Variants in SYNE1 observed in about 807,000 individuals in gnomAD.
The protein encoded by SYNE1 is spectrin repeat containing nuclear envelope protein 1.
SYNE1 carries 616 observed loss-of-function variants against 1,111.0 expected under a neutral mutation model. That is an observed-to-expected ratio of 0.55 (90% CI 0.52 to 0.59). The LOEUF is 0.59. SYNE1 is among the 20% of genes least tolerant of loss of function. SYNE1 has a pLI of 0.00. For missense variants in SYNE1, 10,006 were observed against 10,417.0 expected (o/e 0.96, Z 1.72); for synonymous variants, 3,855 against 3,825.8 (o/e 1.01, Z -0.28).
At chr6:152,262,010 T>C (rs914581413) in intron 101 of SYNE1, 22 bp downstream of exon 101, 50 of 1,585,718 alleles carry the variant, frequency 3.2e-5, no homozygotes, top group Non-Finnish European at 4.0e-5. Context: ...TTAGTTAATA[T>C]ATAATGTAAA....
chr6:152,424,617 G>A (rs2098323745), intron 39 of SYNE1, among the ~76,000 whole-genome samples: 1 of 152,030 alleles, frequency 6.6e-6, no homozygotes, highest in Admixed American at 6.6e-5. Context: ...ATGGTACCTT[G>A]TACTCAGCAG....
At chr6:152,616,137 C>A (rs527404358) in intron 3 of SYNE1, among the ~76,000 whole-genome samples, 7 of 152,212 alleles carry the variant, frequency 4.6e-5, no homozygotes, top group African/African-American at 1.4e-4. Flanking sequence ...AATGTAAAGG[C>A]AAGCTTCACT....
chr6:152,534,767 C>T (rs1233926254), intron 4 of SYNE1, among the ~76,000 whole-genome samples: 1 of 152,186 alleles, frequency 6.6e-6, no homozygotes, highest in East Asian at 1.9e-4. Context: ...TCCATGTTAT[C>T]TTTCAGCACT....
intron 127 of SYNE1, among the ~76,000 whole-genome samples, chr6:152,191,207 A>C (rs963017040): frequency 2.0e-5 from 3 of 149,858 alleles, no homozygotes; most frequent in Non-Finnish European, 4.4e-5. Context: ...ATAAATGTTC[A>C]TCAGAGATAT....
At chr6:152,318,309 A>G (rs1465129805) in intron 85 of SYNE1, 46 bp from the exon 86 acceptor site, 1 of 1,608,030 alleles carries the variant, frequency 6.2e-7, no homozygotes. Context: ...CAGAAAATAA[A>G]TTTCTCCAGG....
Position 152,442,231 on chromosome 6 carries a change from C to T in SYNE1, c.3852G>A (p.Arg1284=), listed in dbSNP as rs1345673674. 1.2e-6 allele frequency: 2 copies of T among 1,613,170 alleles called. No homozygotes were observed. The highest frequency in any genetic ancestry group is 1.7e-5 in the Admixed American group (1 of 60,014). Reference sequence around the variant, plus strand: ...GCACATCTCTCTTCTTTGCTGAGATCCGCTTTGTCTTTTGCTAGAAGCATT... The same window carrying T: ...GCACATCTCTCTTCTTTGCTGAGATTCGCTTTGTCTTTTGCTAGAAGCATT... ...LLLHHQQKTK[R]ISAKKRDVQQ... is the part of the protein sequence containing the mutation. The change falls in exon 31 of 146, where the codon CGG becomes CGA. Residue 1284 remains arginine (R), a synonymous_variant. Transcript: ENST00000367255.
intron 119 of SYNE1, 67 bp from the exon 120 acceptor site, chr6:152,219,252 C>A: frequency 1.4e-6 from 2 of 1,419,754 alleles, no homozygotes; most frequent in Non-Finnish European, 2.0e-6. Flanking sequence ...CAGCAATCGG[C>A]AAAGGGCTAC....
intron 58 of SYNE1, chr6:152,375,945 G>A (rs911472357): frequency 2.4e-5 from 4 of 166,076 alleles, no homozygotes; most frequent in African/African-American, 7.2e-5. Context: ...ACTTTTATAT[G>A]TTCTGCCCTT....
chr6:152,154,833 C>G, intron 133 of SYNE1, 59 bp downstream of exon 133: 3 of 1,599,376 alleles, frequency 1.9e-6, no homozygotes, highest in Non-Finnish European at 1.7e-6. Flanking sequence ...GGAACTCCAA[C>G]TACCAGCTGG....
chr6:152,273,064 T>C (rs1176611865), intron 98 of SYNE1, among the ~76,000 whole-genome samples: 2 of 152,228 alleles, frequency 1.3e-5, no homozygotes, highest in East Asian at 3.8e-4. Context: ...TGAAAGATGA[T>C]GGAATTTATA....
intron 40 of SYNE1, among the ~76,000 whole-genome samples, 161 bp from the exon 41 acceptor site, chr6:152,417,176 T>C (rs1022419252): frequency 6.6e-5 from 10 of 152,222 alleles, no homozygotes; most frequent in African/African-American, 1.7e-4. Context: ...CAAAATTTTC[T>C]GTTTTGCTGA....
intron 141 of SYNE1, 81 bp downstream of exon 141, chr6:152,136,537 A>G: frequency 6.4e-7 from 1 of 1,562,974 alleles, no homozygotes; most frequent in Non-Finnish European, 8.7e-7. Flanking sequence ...CCCTCTAGAA[A>G]CCATGATACA....
rs1354133843 is a variant in SYNE1, at chr6:152,321,886, G to A, written c.15918C>T (p.Asn5306=). The stretch of plus-strand genomic sequence containing the variant: ...CATTAGTCTTCACTTTCTCCTGCAT[G>A]CTTCAGAAACATTACAGGGATAAAA... ...EITAMQDRCL[N]MQEKVKTNGK... Residue 5306 remains asparagine (N), a splice_region_variant and synonymous_variant, in exon 83 of 146, where the codon AAC becomes AAT. Coordinates refer to ENST00000367255, the MANE Select transcript of SYNE1 (RefSeq NM_182961.4). 7.4e-6 allele frequency: 12 copies of A among 1,613,858 alleles called. No individual in the cohort carries two copies. Among genetic ancestry groups the A allele is most frequent in the Non-Finnish European group, 8.5e-6 (10 of 1,179,966 alleles).
chr6:152,201,878 C>T lies in SYNE1; in HGVS notation c.23091G>A (p.Ser7697=), dbSNP rs376758370. The change falls in exon 127 of 146, where the codon TCG becomes TCA. Residue 7697 remains serine (S), a synonymous_variant. Coordinates refer to ENST00000367255, the MANE Select transcript of SYNE1 (RefSeq NM_182961.4). ...EKLRTFKKKL[S]QSLPDHHEEL... is the part of the protein sequence containing the mutation. ...CTTCATGGTGATCCGGGAGAGACTG[C>T]GAAAGCTTCTTTTTGAAAGTTCGTA... The T allele has an allele frequency of 2.6e-5, 42 of 1,613,766 alleles. No individual in the cohort carries two copies. The highest frequency in any genetic ancestry group is 1.2e-4 in the African/African-American group (9 of 74,902).
chr6:152,430,285 A>T, intron 35 of SYNE1, 75 bp from the exon 36 acceptor site: 1 of 1,308,926 alleles, frequency 7.6e-7, no homozygotes, highest in South Asian at 1.3e-5. Context: ...TTACTGAGAA[A>T]ATGGCATACC....
intron 124 of SYNE1, among the ~76,000 whole-genome samples, chr6:152,209,376 C>A (rs2077103298): frequency 6.6e-6 from 1 of 152,074 alleles, no homozygotes; most frequent in South Asian, 2.1e-4. Context: ...CAGACAACGT[C>A]AACAAAACAA....
chr6:152,182,339 A>G (rs1422449813), intron 128 of SYNE1, among the ~76,000 whole-genome samples: 2 of 152,252 alleles, frequency 1.3e-5, no homozygotes, highest in African/African-American at 4.8e-5. Flanking sequence ...ACGTTCTTCC[A>G]CAGTCTTGTT....
rs1156977588 is a variant in SYNE1 at position 152,331,838 on chromosome 6, A to G, written c.12847T>C (p.Leu4283=). ...VHLEALKKLA[L]ALQERKYAIE... ...GCATACTTTCTCTCCTGCAATGCCAATGCTAACTTTTTCAAAGCTTCCAGG... is the reference window on the plus strand; with the variant it reads ...GCATACTTTCTCTCCTGCAATGCCAGTGCTAACTTTTTCAAAGCTTCCAGG... Residue 4283 remains leucine, a synonymous_variant, in exon 78 of 146, where the codon TTG becomes CTG. Coordinates refer to ENST00000367255, the MANE Select transcript of SYNE1 (RefSeq NM_182961.4). 17 of 1,613,954 alleles carry G rather than the reference A, an allele frequency of 1.1e-5. No individual in the cohort carries two copies. The highest frequency in any genetic ancestry group is 1.4e-5 in the Non-Finnish European group (17 of 1,180,034).
intron 4 of SYNE1, among the ~76,000 whole-genome samples, chr6:152,532,441 T>G (rs928705379): frequency 6.6e-6 from 1 of 152,206 alleles, no homozygotes; most frequent in African/African-American, 2.4e-5. Flanking sequence ...ACATATCCTA[T>G]GGCTTAATAT....
Sources: allele counts gnomAD v4.1 joint callset (sites outside exome capture counted in the v4.1 genomes callset), GRCh38; gene constraint gnomAD v4.1.1; transcripts MANE v1.5; gene names NCBI Gene and HGNC (gene_info 2026-07-23, HGNC 2026-07-21).